Variants in SSBP3 observed in about 807,000 individuals in gnomAD.
SSBP3 encodes the protein single-stranded DNA-binding protein 3.
A neutral mutation model predicts 69.6 loss-of-function variants in SSBP3; 5 were observed. That is an observed-to-expected ratio of 0.07 (90% CI 0.04 to 0.15). The LOEUF (loss-of-function observed/expected upper bound fraction) is 0.15. SSBP3 is among the 10% of genes least tolerant of loss of function. The pLI is 1.00. For missense variants in SSBP3, 312 were observed against 534.0 expected, an observed-to-expected ratio of 0.58 and a Z score of 4.10; for synonymous variants, 196 against 193.4, an observed-to-expected ratio of 1.01 and a Z score of -0.11.
intron 7 of SSBP3, among the ~76,000 whole-genome samples, chr1:54,252,657 G>A (rs1011836203): frequency 2.0e-5 from 3 of 152,214 alleles, no homozygotes; most frequent in African/African-American, 7.2e-5. Context: ...CGGGGGCCAC[G>A]GGTTTCCTGG....
At chr1:54,319,782 A>C (rs1646180017) in intron 4 of SSBP3, among the ~76,000 whole-genome samples, 1 of 152,160 alleles carries the variant, frequency 6.6e-6, no homozygotes, top group East Asian at 1.9e-4. Context: ...CCTGAAGAAA[A>C]AGCAGCAGCT....
intron 14 of SSBP3, chr1:54,238,651 C>T (rs1644544918): frequency 3.2e-6 from 1 of 315,442 alleles, no homozygotes; most frequent in East Asian, 8.7e-5. Flanking sequence ...AAGAAGCTGC[C>T]AGGTATTGGG....
intron 4 of SSBP3, among the ~76,000 whole-genome samples, chr1:54,320,889 A>C (rs1386744674): frequency 6.6e-6 from 1 of 152,254 alleles, no homozygotes; most frequent in East Asian, 1.9e-4. Flanking sequence ...TTGTGGAATG[A>C]ATGAACAAGA....
intron 13 of SSBP3, among the ~76,000 whole-genome samples, chr1:54,240,085 T>TGTGTGTGTGTGCGCGCGCGTGTGC (rs1644590016): frequency 2.6e-5 from 1 of 38,538 alleles, no homozygotes. Flanking sequence ...TGTGTGTGTG[T>TGTGTGTGTGTGCGCGCGCGTGTGC]GTGCGCGCGC....
At chr1:54,358,615 G>A (rs999620942) in intron 4 of SSBP3, among the ~76,000 whole-genome samples, 12 of 152,160 alleles carry the variant, frequency 7.9e-5, no homozygotes, top group Non-Finnish European at 1.5e-4. Flanking sequence ...GTAAAGTGAG[G>A]AGGATGCCCA....
At chr1:54,233,476 C>T (rs1644422838) in intron 14 of SSBP3, among the ~76,000 whole-genome samples, 1 of 151,242 alleles carries the variant, frequency 6.6e-6, no homozygotes, top group African/African-American at 2.5e-5. Context: ...GCCACACCGT[C>T]TGGGAGGGAG....
intron 1 of SSBP3, among the ~76,000 whole-genome samples, chr1:54,411,605 G>A (rs538800726): frequency 1.3e-5 from 2 of 152,060 alleles, no homozygotes; most frequent in Admixed American, 6.6e-5. Context: ...CAAGAAAGCA[G>A]AAGGCTGCCG....
At chr1:54,381,329 G>C (rs1647619858) in intron 4 of SSBP3, among the ~76,000 whole-genome samples, 1 of 137,410 alleles carries the variant, frequency 7.3e-6, no homozygotes, top group African/African-American at 2.7e-5. Context: ...GTTGCAGTGA[G>C]CTGATATCGT....
intron 4 of SSBP3, among the ~76,000 whole-genome samples, chr1:54,387,336 G>A (rs1488594442): frequency 1.3e-5 from 2 of 152,142 alleles, no homozygotes; most frequent in Admixed American, 6.5e-5. Flanking sequence ...CAGCAAAAAC[G>A]AAGCTGCCAA....
chr1:54,388,391 C>T (rs1205702297), intron 4 of SSBP3, among the ~76,000 whole-genome samples: 1 of 152,220 alleles, frequency 6.6e-6, no homozygotes, highest in Non-Finnish European at 1.5e-5. Flanking sequence ...CAGCCCCTAT[C>T]TTATAGAGTG....
intron 5 of SSBP3, among the ~76,000 whole-genome samples, chr1:54,272,533 A>C (rs1645212677): frequency 6.6e-6 from 1 of 151,856 alleles, no homozygotes; most frequent in African/African-American, 2.4e-5. Context: ...TTTGCTGAGA[A>C]GGTAGGTGGG....
intron 4 of SSBP3, among the ~76,000 whole-genome samples, chr1:54,384,105 C>CAAAAAAAAAAAAAAA (rs34137070): frequency 1.2e-4 from 11 of 94,106 alleles, no homozygotes; most frequent in East Asian, 3.3e-4. Flanking sequence ...GACTCCATCT[C>CAAAAAAAAAAAAAAA]AAAAAAAAAA....
intron 14 of SSBP3, among the ~76,000 whole-genome samples, chr1:54,235,448 A>ATTTTTTTTTTTT (rs71580002): frequency 3.4e-4 from 24 of 69,920 alleles, no homozygotes; most frequent in African/African-American, 1.4e-3. Flanking sequence ...TGCCCGGCTG[A>ATTTTTTTTTTTT]TTTTTTTTTT....
chr1:54,286,560 G>T (rs560063799), intron 4 of SSBP3: 3 of 152,364 alleles, frequency 2.0e-5, no homozygotes, highest in African/African-American at 7.2e-5. Flanking sequence ...GGGGCTCAGG[G>T]ACTACCCCTG....
At chr1:54,365,176 G>A (rs1355121343) in intron 4 of SSBP3, among the ~76,000 whole-genome samples, 1 of 152,192 alleles carries the variant, frequency 6.6e-6, no homozygotes, top group Non-Finnish European at 1.5e-5. Flanking sequence ...ACATCCCAAA[G>A]TTAAAATTAA....
chr1:54,271,998 G>A (rs990674044), intron 5 of SSBP3, among the ~76,000 whole-genome samples: 1 of 152,046 alleles, frequency 6.6e-6, no homozygotes, highest in African/African-American at 2.4e-5. Flanking sequence ...TCGAACTCCC[G>A]ACCTCAGGTG....
intron 10 of SSBP3, 34 bp from the exon 11 acceptor site, chr1:54,242,246 A>T (rs1382127818): frequency 6.2e-7 from 1 of 1,613,250 alleles, no homozygotes; most frequent in East Asian, 2.2e-5. Context: ...GGACAATGAA[A>T]AAGGCGCTGT....
intron 7 of SSBP3, among the ~76,000 whole-genome samples, chr1:54,252,459 G>T (rs1644846302): frequency 6.6e-6 from 1 of 152,220 alleles, no homozygotes; most frequent in Non-Finnish European, 1.5e-5. Flanking sequence ...AGAGCCAAGT[G>T]AGCACCCAGG....
chr1:54,324,062 G>A lies in SSBP3; in HGVS notation c.277-42535C>T, dbSNP rs573828290. 1.8e-4 allele frequency among the ~76,000 whole-genome samples: 27 copies of A among 152,288 alleles called. No individual in the cohort carries two copies. In the South Asian group the frequency reaches 4.8e-3, roughly 27 times the overall value. On this transcript the variant is annotated intron_variant, in intron 4 of 17. Coordinates refer to ENST00000610401, the Ensembl canonical transcript of SSBP3. ...TGTTTTATCCCCATTTTATAGGTGC[G>A]GAATTAAGGAGCCCAGAGGTTAAGC...
Sources: gnomAD v4.1 joint callset for allele counts (sites outside exome capture counted in the v4.1 genomes callset) on GRCh38, gnomAD v4.1.1 for gene constraint, MANE v1.5 for transcripts, NCBI Gene and HGNC (gene_info 2026-07-23, HGNC 2026-07-21) for gene names.